Variants in ASPRV1 observed in about 807,000 individuals in gnomAD.
The protein encoded by ASPRV1 is aspartic peptidase retroviral like 1, also known as retroviral-like aspartic protease 1.
A neutral mutation model predicts 11.0 loss-of-function variants in ASPRV1; 7 were observed. The observed-to-expected ratio is 0.64, with a 90% CI of 0.36 to 1.20. The LOEUF is 1.20. Ranked by LOEUF, ASPRV1 falls within the 50% of genes most tolerant of loss-of-function variation. The pLI, the probability that ASPRV1 is intolerant of heterozygous loss-of-function variation, is 0.02. For missense variants in ASPRV1, 299 were observed against 320.0 expected (o/e 0.93, Z 0.50); for synonymous variants, 136 against 138.4 (o/e 0.98, Z 0.12).
chr2:70,038,091 C>G, the ASPRV1 span, among the ~76,000 whole-genome samples: 10 of 152,140 alleles, frequency 6.6e-5, no homozygotes, highest in African/African-American at 2.2e-4. Context: ...GTTGCTTTTA[C>G]CTAGAATATC....
chr2:70,067,974 T>C, the ASPRV1 span, among the ~76,000 whole-genome samples: 1 of 152,236 alleles, frequency 6.6e-6, no homozygotes, highest in Non-Finnish European at 1.5e-5. Context: ...GTCCTTCCCA[T>C]CCTCCACTGG....
rs377333669 is a variant in ASPRV1 at position 69,961,625 on chromosome 2, G to A, written c.-189C>T. 4.4e-6 allele frequency: 7 copies of A among 1,605,530 alleles called. No homozygotes were observed. The African/African-American group carries it at 8.0e-5, about 18-fold the overall frequency. ...CTGACTGCTGGGGCAGAGGCAGGCA[G>A]TGCTGTGGCCTGTTCACTCTGCAGA... On this transcript the variant is annotated 5_prime_UTR_variant, in exon 1 of 1. Transcript: ENST00000320256.
At chr2:70,000,112 A>G in the ASPRV1 span, among the ~76,000 whole-genome samples, 6 of 152,204 alleles carry the variant, frequency 3.9e-5, no homozygotes, top group Non-Finnish European at 2.9e-5. Context: ...CCTTGATTAC[A>G]TGGATATTTT....
the ASPRV1 span, chr2:70,051,104 C>T: frequency 6.6e-6 from 1 of 152,150 alleles, no homozygotes; most frequent in African/African-American, 2.4e-5. Flanking sequence ...AAGCATTTTA[C>T]TTGGATTTAT....
At chr2:69,981,084 T>C in the ASPRV1 span, among the ~76,000 whole-genome samples, 1 of 152,234 alleles carries the variant, frequency 6.6e-6, no homozygotes. Flanking sequence ...CCTAAAATTA[T>C]TTTAAAATAA....
chr2:69,935,586 C>T, the ASPRV1 span: 128 of 682,848 alleles, frequency 1.9e-4, 1 homozygote, highest in South Asian at 1.9e-3. Context: ...GGATGAATCA[C>T]AGGTACCTCA....
At chr2:70,055,738 G>A in the ASPRV1 span, 1 of 152,014 alleles carries the variant, frequency 6.6e-6, no homozygotes, top group Admixed American at 6.6e-5. Flanking sequence ...CATGTATCCA[G>A]TTTTGTTTTT....
rs1678107835 is a variant in ASPRV1 at position 69,961,529 on chromosome 2, C to T, written c.-93G>A. 1 of 1,614,142 alleles carries T rather than the reference C, an allele frequency of 6.2e-7. No homozygotes were observed. The highest frequency in any genetic ancestry group is 8.5e-7 in the Non-Finnish European group (1 of 1,180,030). On this transcript the variant is annotated 5_prime_UTR_variant, in exon 1 of 1. Transcript: ENST00000320256. ...GGCGCAATCACGCTGGAAAACGGGG[C>T]CTCTCGAAGCAGAGTGGGGATGACT...
At chr2:70,025,301 T>C in the ASPRV1 span, among the ~76,000 whole-genome samples, 2 of 152,108 alleles carry the variant, frequency 1.3e-5, no homozygotes, top group Non-Finnish European at 2.9e-5. Flanking sequence ...CTCATGCTTG[T>C]AGTTCCAGCT....
chr2:70,059,230 T>C, the ASPRV1 span, among the ~76,000 whole-genome samples: 2 of 151,300 alleles, frequency 1.3e-5, no homozygotes, highest in Admixed American at 6.6e-5. Context: ...TTCACTTCAG[T>C]GTCTCTCAGT....
the ASPRV1 span, among the ~76,000 whole-genome samples, chr2:69,990,995 C>A: frequency 6.6e-6 from 1 of 152,182 alleles, no homozygotes; most frequent in Admixed American, 6.5e-5. Context: ...CAGATGGGAC[C>A]CCAGCCAGCC....
At chr2:70,032,278 T>C in the ASPRV1 span, 1 of 152,318 alleles carries the variant, frequency 6.6e-6, no homozygotes, top group Non-Finnish European at 1.5e-5. Flanking sequence ...CAAGAGTGGT[T>C]TGTTCAGTGT....
chr2:70,010,959 G>C, the ASPRV1 span, among the ~76,000 whole-genome samples: 6 of 152,096 alleles, frequency 3.9e-5, no homozygotes, highest in African/African-American at 1.4e-4. Flanking sequence ...TACTCGATAT[G>C]TATTTACTTA....
the ASPRV1 span, among the ~76,000 whole-genome samples, chr2:70,002,181 C>A: frequency 6.6e-6 from 1 of 152,210 alleles, no homozygotes; most frequent in Non-Finnish European, 1.5e-5. Context: ...CCCCACCATA[C>A]CCCCACCTTT....
At chr2:70,042,410 A>C in the ASPRV1 span, among the ~76,000 whole-genome samples, 1 of 152,174 alleles carries the variant, frequency 6.6e-6, no homozygotes, top group East Asian at 1.9e-4. Flanking sequence ...CTAGTATCAG[A>C]TAAGTGACCT....
the ASPRV1 span, among the ~76,000 whole-genome samples, chr2:70,017,418 C>T: frequency 1.3e-5 from 2 of 152,132 alleles, no homozygotes; most frequent in Admixed American, 6.5e-5. Context: ...ACGATAAGCC[C>T]ACAGCTAACA....
chr2:70,083,903 G>C, the ASPRV1 span, among the ~76,000 whole-genome samples: 1 of 152,216 alleles, frequency 6.6e-6, no homozygotes, highest in Non-Finnish European at 1.5e-5. Flanking sequence ...GACAGGGGCA[G>C]AGCTAGGACT....
the ASPRV1 span, among the ~76,000 whole-genome samples, chr2:70,066,663 T>G: frequency 6.6e-6 from 1 of 152,118 alleles, no homozygotes; most frequent in Non-Finnish European, 1.5e-5. Flanking sequence ...AGTGGCATCA[T>G]TACAGTTCGT....
At chr2:69,955,419 G>A (rs571703980), downstream of ASPRV1, among the ~76,000 whole-genome samples, 38 of 152,308 alleles carry the variant, frequency 2.5e-4, no homozygotes, top group South Asian at 6.8e-3. Flanking sequence ...AGCTGCGCTC[G>A]GCTTCCTCAT....
Sources: allele counts gnomAD v4.1 joint callset (sites outside exome capture counted in the v4.1 genomes callset), GRCh38; gene constraint gnomAD v4.1.1; transcripts MANE v1.5; gene names NCBI Gene and HGNC (gene_info 2026-07-23, HGNC 2026-07-21).